PTPN12: variants seen among roughly 807,000 people sequenced by gnomAD.
The protein encoded by PTPN12 is tyrosine-protein phosphatase non-receptor type 12.
A neutral mutation model predicts 97.6 loss-of-function variants in PTPN12; 29 were observed. The ratio of observed to expected loss-of-function variants is 0.30; its 90% confidence interval spans 0.22 to 0.41. PTPN12 has a LOEUF of 0.41. Ranked by LOEUF, PTPN12 falls within the 10% of genes least tolerant of loss-of-function variation. The probability of loss-of-function intolerance (pLI) is 1.00; values close to 1 mark genes in which losing one functional copy is unlikely to be tolerated. For missense variants in PTPN12, 819 were observed against 926.0 expected, an observed-to-expected ratio of 0.88 and a Z score of 1.50; for synonymous variants, 327 against 300.4, an observed-to-expected ratio of 1.09 and a Z score of -0.91.
Position 77,579,119 on chromosome 7 carries a change from AATTATT to A in PTPN12, c.209-2296_209-2291del, listed in dbSNP as rs985346655. Among the ~76,000 whole-genome samples, 3 of 152,098 alleles carry A rather than the reference AATTATT, an allele frequency of 2.0e-5. 1 individual carries two copies. Among genetic ancestry groups the A allele is most frequent in the South Asian group, 4.1e-4 (2 of 4,824 alleles). On this transcript the variant is annotated intron_variant, in intron 2 of 17. Coordinates refer to ENST00000248594, the MANE Select transcript of PTPN12 (RefSeq NM_002835.4). Reference sequence around the variant, plus strand: ...TTGAAGGAGACTAAGGAGAAATAAAAATTATTATTATTATTATCTTGAGATGGAGTC... The same window carrying A: ...TTGAAGGAGACTAAGGAGAAATAAAAATTATTATTATCTTGAGATGGAGTC...
intron 1 of PTPN12, 104 bp downstream of exon 1, chr7:77,537,749 G>A: frequency 8.3e-7 from 1 of 1,206,530 alleles, no homozygotes; most frequent in Non-Finnish European, 1.1e-6. Context: ...GTGAGGAGAG[G>A]GGCGGAGGGG....
intron 1 of PTPN12, among the ~76,000 whole-genome samples, chr7:77,554,033 A>G (rs1197145732): frequency 6.6e-6 from 1 of 152,062 alleles, no homozygotes; most frequent in Non-Finnish European, 1.5e-5. Flanking sequence ...GTGGCATGTC[A>G]TAGCTCACTG....
At chr7:77,589,221 G>C (rs186129601) in intron 5 of PTPN12, among the ~76,000 whole-genome samples, 145 of 152,196 alleles carry the variant, frequency 9.5e-4, no homozygotes, top group African/African-American at 3.3e-3. Context: ...TAATACCACA[G>C]TATGTTTTGT....
chr7:77,633,001 T>C (rs999089409), intron 14 of PTPN12, among the ~76,000 whole-genome samples: 3 of 152,124 alleles, frequency 2.0e-5, no homozygotes, highest in African/African-American at 7.2e-5. Flanking sequence ...CCAGGTGCAG[T>C]GGCTCATACC....
intron 1 of PTPN12, chr7:77,538,020 G>T (rs965432730): frequency 2.9e-6 from 3 of 1,030,820 alleles, no homozygotes; most frequent in Admixed American, 1.2e-4. Flanking sequence ...CGCGCAGTTC[G>T]CTCCTCCCAG....
chr7:77,627,601 C>T lies in PTPN12; in HGVS notation c.1922C>T (p.Ser641Phe), dbSNP rs369875450. The change falls in exon 13 of 18, where the codon TCT becomes TTT. Residue 641 changes from serine to phenylalanine, a missense_variant. By Grantham distance (155) the Ser-to-Phe change is radical. This residue lies in a region of PTPN12 where 607 missense variants were observed against 577.3 expected (regional missense o/e 1.05). Coordinates refer to ENST00000248594, the MANE Select transcript of PTPN12 (RefSeq NM_002835.4). ...GCTGCCACTAGTACTGAAAGCATTT[C>T]TACTAGGAAAGTATTGCCAATGTCC... The part of the protein sequence containing the change: ...VSAATSTESI[S>F]TRKVLPMSIA... The T allele has an allele frequency of 4.2e-5, 68 of 1,612,830 alleles. No individual in the cohort carries two copies. The highest frequency in any genetic ancestry group is 1.6e-4 in the Middle Eastern group (1 of 6,074).
At position 77,639,861 on chromosome 7, in the gene PTPN12, T is replaced by C. The variant is rs1789735010; in HGVS notation, c.*581T>C. The C allele has an allele frequency of 6.5e-6, 1 of 152,708 alleles. No individual in the cohort carries two copies. The highest frequency in any genetic ancestry group is 1.5e-5 in the Non-Finnish European group (1 of 68,076). The allele number at this position is 152,708 out of a possible 1,614,324, so 9.5% of individuals were successfully genotyped here. A position where few individuals can be genotyped will look rare whatever the true frequency, so the allele number is the denominator to read the frequency against. ...AATTGTAAGCAAAAAGTTATTTTTA[T>C]ATTATATACAGTCTAATTGTTCATC... On this transcript the variant is annotated 3_prime_UTR_variant, in exon 18 of 18. Coordinates refer to ENST00000248594, the MANE Select transcript of PTPN12 (RefSeq NM_002835.4).
chr7:77,618,619 G>A, intron 12 of PTPN12, 54 bp downstream of exon 12: 1 of 1,187,964 alleles, frequency 8.4e-7, no homozygotes, highest in Non-Finnish European at 1.2e-6. Context: ...TCTACTCACT[G>A]TTAATTAAAA....
At chr7:77,556,980 T>A in intron 1 of PTPN12, among the ~76,000 whole-genome samples, 1 of 87,202 alleles carries the variant, frequency 1.1e-5, no homozygotes, top group South Asian at 3.9e-4. Context: ...TTTTGTTTGT[T>A]TTTTTTTTAG....
In PTPN12 at chr7:77,537,887, C is replaced by T. The variant is rs556711183; in HGVS notation, c.99+242C>T. On this transcript the variant is annotated intron_variant, in intron 1 of 17. Coordinates refer to ENST00000248594, the MANE Select transcript of PTPN12 (RefSeq NM_002835.4). The stretch of plus-strand genomic sequence containing the variant: ...GCGGGTTCCCGGGACGCGAAGGGAG[C>T]GGCCGCGCGGCCGAGCCCGCAGCCT... 5 of 502,946 alleles carry T rather than the reference C, an allele frequency of 9.9e-6. No homozygotes were observed. In the East Asian group the frequency reaches 1.9e-4, roughly 19 times the overall value. The allele number at this position is 502,946 out of a possible 1,614,324, so 31.2% of individuals were successfully genotyped here. A position where few individuals can be genotyped will look rare whatever the true frequency, so the allele number is the denominator to read the frequency against.
chr7:77,631,585 C>G (rs1003628741), intron 13 of PTPN12, among the ~76,000 whole-genome samples: 1 of 152,156 alleles, frequency 6.6e-6, no homozygotes, highest in African/African-American at 2.4e-5. Flanking sequence ...ATCAAATACA[C>G]TCATTTACCT....
intron 4 of PTPN12, among the ~76,000 whole-genome samples, chr7:77,584,974 G>A (rs1387332385): frequency 6.6e-6 from 1 of 152,010 alleles, no homozygotes; most frequent in African/African-American, 2.4e-5. Flanking sequence ...ACTTTGAAAT[G>A]CATTTTTAAA....
chr7:77,633,991 C>T (rs1734433249), intron 14 of PTPN12, among the ~76,000 whole-genome samples: 2 of 152,108 alleles, frequency 1.3e-5, no homozygotes, highest in Admixed American at 6.5e-5. Context: ...CCATTGCATT[C>T]CAGCCTGGGC....
In PTPN12 at chr7:77,638,639, G is replaced by T. The variant is rs769303546; in HGVS notation, c.2189G>T (p.Gly730Val). The change falls in exon 17 of 18, where the codon GGT becomes GTT. Residue 730 changes from glycine to valine, a missense_variant. By Grantham distance (109) the Gly-to-Val change is moderately radical (BLOSUM62 -3). This residue lies in a region of PTPN12 where 607 missense variants were observed against 577.3 expected (regional missense o/e 1.05). Transcript: ENST00000248594. The part of the protein sequence containing the change: ...ENEKCDHPAG[G>V]IHYEMCIECP... ...TGCTACTTAGATCATCCAGCGGGAGGTATTCACTATGAAATGTGCATAGAA... is the reference window on the plus strand; with the variant it reads ...TGCTACTTAGATCATCCAGCGGGAGTTATTCACTATGAAATGTGCATAGAA... 1.1e-5 allele frequency: 18 copies of T among 1,596,616 alleles called. No homozygotes were observed. Among genetic ancestry groups the T allele is most frequent in the Non-Finnish European group, 1.5e-5 (18 of 1,173,722 alleles).
At chr7:77,576,471 G>A (rs1056175926) in intron 2 of PTPN12, among the ~76,000 whole-genome samples, 1 of 152,070 alleles carries the variant, frequency 6.6e-6, no homozygotes, top group Non-Finnish European at 1.5e-5. Context: ...AGGCCGAAGC[G>A]GGCAGATCAC....
At chr7:77,638,766 T>A in intron 17 of PTPN12, 35 bp downstream of exon 17, 2 of 1,575,894 alleles carry the variant, frequency 1.3e-6, no homozygotes, top group Non-Finnish European at 1.7e-6. Flanking sequence ...TAGTAAGTAG[T>A]TAACACTGGC....
intron 17 of PTPN12, 64 bp from the exon 18 acceptor site, chr7:77,639,155 T>A: frequency 1.6e-6 from 2 of 1,276,900 alleles, no homozygotes; most frequent in South Asian, 2.6e-5. Flanking sequence ...TCTGTGGACA[T>A]GGTTTTTAGT....
At chr7:77,632,552 G>T in intron 14 of PTPN12, 127 bp downstream of exon 14, 2 of 696,306 alleles carry the variant, frequency 2.9e-6, no homozygotes, top group South Asian at 1.9e-5. Context: ...AATTGATGTT[G>T]ACATGCTTTT....
At chr7:77,575,859 A>G (rs117652794) in intron 2 of PTPN12, among the ~76,000 whole-genome samples, 2,785 of 151,884 alleles carry the variant, frequency 0.018, 34 homozygotes, top group Middle Eastern at 0.071. Flanking sequence ...CTCTTTTAAC[A>G]GTTTTTTTTT....
Sources: allele counts gnomAD v4.1 joint callset (sites outside exome capture counted in the v4.1 genomes callset), GRCh38; gene constraint gnomAD v4.1.1; regional missense constraint gnomAD v4.1.1; transcripts MANE v1.5; gene names NCBI Gene and HGNC (gene_info 2026-07-23, HGNC 2026-07-21).